Variants in ERAP2 observed in about 807,000 individuals in gnomAD.
ERAP2 encodes the protein endoplasmic reticulum aminopeptidase 2, also known as leukocyte-derived arginine aminopeptidase.
A neutral mutation model predicts 111.1 loss-of-function variants in ERAP2; 118 were observed. The observed-to-expected ratio is 1.06, with a 90% confidence interval of 0.92 to 1.24. The LOEUF (loss-of-function observed/expected upper bound fraction) is 1.24, where lower values mean the gene tolerates loss of function less well. Ranked by LOEUF, ERAP2 falls within the 50% of genes most tolerant of loss-of-function variation. ERAP2 has a pLI of 0.00. For synonymous variants in ERAP2, 410 were observed against 401.2 expected, an observed-to-expected ratio of 1.02 and a Z score of -0.26; for missense variants, 1,131 against 1,125.8, an observed-to-expected ratio of 1.00 and a Z score of -0.07.
chr5:96,903,515 C>T lies in ERAP2; in HGVS notation c.1967C>T (p.Pro656Leu). ...AATCAGAACCACACACTTCTCAGACCTAAGGACAGAGTAGGTCTGATTCAT... is the reference window on the plus strand; with the variant it reads ...AATCAGAACCACACACTTCTCAGACTTAAGGACAGAGTAGGTCTGATTCAT... ...QLNQNHTLLRPKDRVGLIHDV... is the reference protein window; with the variant it reads ...QLNQNHTLLRLKDRVGLIHDV... Residue 656 changes from proline (P) to leucine (L), a missense_variant, in exon 13 of 19, where the codon CCT (proline) becomes CTT (leucine). Coordinates refer to ENST00000437043, the MANE Select transcript of ERAP2 (RefSeq NM_022350.5). 1 of 1,613,736 alleles carries T rather than the reference C, an allele frequency of 6.2e-7. No homozygotes were observed. Among genetic ancestry groups the T allele is most frequent in the Non-Finnish European group, 8.5e-7 (1 of 1,179,852 alleles).
chr5:96,880,418 C>T (rs897288078), intron 2 of ERAP2, among the ~76,000 whole-genome samples, 158 bp downstream of exon 2: 2 of 152,118 alleles, frequency 1.3e-5, no homozygotes, highest in Non-Finnish European at 2.9e-5. Context: ...TTAAGGAAAC[C>T]ACAGTAGAGA....
chr5:96,901,444 T>C (rs1785449350), intron 10 of ERAP2, 62 bp from the exon 11 acceptor site: 2 of 1,541,390 alleles, frequency 1.3e-6, no homozygotes, highest in Non-Finnish European at 1.8e-6. Flanking sequence ...TGGAAGTTTC[T>C]GTCCCTCTGT....
chr5:96,906,610 C>T (rs192703055), intron 13 of ERAP2, among the ~76,000 whole-genome samples: 83 of 152,226 alleles, frequency 5.5e-4, no homozygotes, highest in Admixed American at 4.6e-3. Context: ...TATTTTAGTT[C>T]GGTTTTCATA....
intron 14 of ERAP2, 93 bp downstream of exon 14, chr5:96,909,210 T>C: frequency 1.6e-6 from 2 of 1,272,910 alleles, no homozygotes; most frequent in Non-Finnish European, 2.2e-6. Flanking sequence ...TCCTTGAGGT[T>C]AAATCTGGAG....
At chr5:96,916,622 C>A (rs895724343) in intron 18 of ERAP2, among the ~76,000 whole-genome samples, 2 of 151,618 alleles carry the variant, frequency 1.3e-5, no homozygotes, top group Non-Finnish European at 2.9e-5. Flanking sequence ...TGCCACCATG[C>A]CCACCTAATT....
At chr5:96,914,496 G>C (rs1306537285) in intron 17 of ERAP2, among the ~76,000 whole-genome samples, 1 of 152,150 alleles carries the variant, frequency 6.6e-6, no homozygotes. Flanking sequence ...AACTCTACTT[G>C]AGCCATTGAT....
chr5:96,909,908 C>T (rs1454578526), intron 15 of ERAP2, 144 bp downstream of exon 15: 25 of 748,742 alleles, frequency 3.3e-5, no homozygotes, highest in East Asian at 5.5e-5. Context: ...TTCATGCTCT[C>T]ACATTGTAAG....
chr5:96,902,185 G>A, intron 11 of ERAP2, 89 bp from the exon 12 acceptor site: 2 of 852,784 alleles, frequency 2.3e-6, no homozygotes, highest in Non-Finnish European at 2.0e-6. Context: ...GGGTACTTAG[G>A]TGCCTTTTAC....
chr5:96,896,185 G>T (rs1397512449), intron 7 of ERAP2, among the ~76,000 whole-genome samples, 188 bp from the exon 8 acceptor site: 1 of 151,982 alleles, frequency 6.6e-6, no homozygotes, highest in African/African-American at 2.4e-5. Flanking sequence ...TCTTTTTAAA[G>T]TAGAGAAACT....
chr5:96,892,221 G>A, intron 5 of ERAP2, 78 bp from the exon 6 acceptor site: 34 of 1,423,950 alleles, frequency 2.4e-5, no homozygotes, highest in Non-Finnish European at 3.3e-5. Flanking sequence ...AAGGATCATA[G>A]TGTATTTGAG....
intron 3 of ERAP2, among the ~76,000 whole-genome samples, chr5:96,885,307 C>T (rs12189125): frequency 0.57 from 86,249 of 151,996 alleles, 24,637 homozygotes; most frequent in African/African-American, 0.62. Flanking sequence ...TAAGACAGCA[C>T]CTCCTCTGCT....
At position 96,880,195 on chromosome 5, in the gene ERAP2, C is replaced by A. The variant is rs779492267; in HGVS notation, c.510C>A (p.Ala170=). 6.2e-7 allele frequency: 1 copy of A among 1,613,988 alleles called. No homozygotes were observed. Among genetic ancestry groups the A allele is most frequent in the East Asian group, 2.2e-5 (1 of 44,876 alleles). ...ACTATGTGGCTATGGACTTCCAAGCCAAGTTAGGTGATGGCTTTGAAGGGT... is the reference window on the plus strand; with the variant it reads ...ACTATGTGGCTATGGACTTCCAAGCAAAGTTAGGTGATGGCTTTGAAGGGT... ...LKYYVAMDFQ[A]KLGDGFEGFY... Residue 170 remains alanine, a synonymous_variant, in exon 2 of 19, where the codon GCC becomes GCA. Transcript: ENST00000437043.
intron 6 of ERAP2, 86 bp downstream of exon 6, chr5:96,892,539 TC>T: frequency 6.7e-7 from 1 of 1,497,092 alleles, no homozygotes; most frequent in Non-Finnish European, 9.1e-7. Context: ...ACAAAATAAA[TC>T]ATCTCATTTA....
intron 10 of ERAP2, among the ~76,000 whole-genome samples, chr5:96,901,028 T>C (rs1785397711): frequency 6.6e-6 from 1 of 152,196 alleles, no homozygotes; most frequent in South Asian, 2.1e-4. Flanking sequence ...ATACTAGCAG[T>C]GCAGCAGCCA....
rs760977734 is a variant in ERAP2 at position 96,913,440 on chromosome 5, G to T, written c.2640G>T (p.Trp880Cys). Residue 880 changes from tryptophan (W) to cysteine (C), a missense_variant, in exon 17 of 19, where the codon TGG (tryptophan) becomes TGT (cysteine). By Grantham distance (215) the Trp-to-Cys change is radical. Coordinates refer to ENST00000437043, the MANE Select transcript of ERAP2 (RefSeq NM_022350.5). ...CATGGGATTTTGTAAGAGAAAATTG[G>T]ACCCATCTTCTGAAAAAGTTGGTAT... is the stretch of plus-strand genomic sequence containing the variant. ...QLAWDFVREN[W>C]THLLKKFDLG... 4 of 1,613,932 alleles carry T rather than the reference G, an allele frequency of 2.5e-6. No homozygotes were observed. In the African/African-American group the frequency reaches 4.0e-5, roughly 16 times the overall value.
At chr5:96,888,099 G>A (rs1432147058) in intron 4 of ERAP2, among the ~76,000 whole-genome samples, 1 of 151,410 alleles carries the variant, frequency 6.6e-6, no homozygotes, top group Non-Finnish European at 1.5e-5. Flanking sequence ...ACTCCAGCCT[G>A]GGTGACAAGA....
chr5:96,902,874 C>T (rs2548532), intron 12 of ERAP2: 99,546 of 153,754 alleles, frequency 0.65, 32,570 homozygotes, highest in South Asian at 0.74. Flanking sequence ...ATATATGCCA[C>T]ATTAAAAATA....
intron 9 of ERAP2, among the ~76,000 whole-genome samples, chr5:96,898,811 C>T (rs1257869084): frequency 1.3e-5 from 2 of 152,054 alleles, no homozygotes; most frequent in Admixed American, 6.6e-5. Flanking sequence ...CATCACCCAC[C>T]GTCAGTGGTC....
intron 13 of ERAP2, among the ~76,000 whole-genome samples, chr5:96,906,111 CT>C (rs1341509667): frequency 6.6e-6 from 1 of 151,940 alleles, no homozygotes; most frequent in African/African-American, 2.4e-5. Flanking sequence ...CTATTTAGTT[CT>C]TTAGTGGACA....
Sources: gnomAD v4.1 joint callset for allele counts (sites outside exome capture counted in the v4.1 genomes callset) on GRCh38, gnomAD v4.1.1 for gene constraint, MANE v1.5 for transcripts, NCBI Gene and HGNC (gene_info 2026-07-23, HGNC 2026-07-21) for gene names.